The following STAB2 variants were observed in gnomAD, a reference collection of about 807,000 sequenced individuals.
The protein encoded by STAB2 is stabilin 2.
In STAB2, 288 loss-of-function variants were observed where a neutral mutation model predicts 338.1. The ratio of observed to expected loss-of-function variants is 0.85; its 90% CI spans 0.77 to 0.94. The LOEUF is 0.94. Ranked by LOEUF, STAB2 falls within the 40% of genes least tolerant of loss-of-function variation. The pLI is 0.00. For synonymous variants in STAB2, 1,202 were observed against 1,193.3 expected (o/e 1.01, Z -0.15); for missense variants, 3,141 against 3,210.1 (o/e 0.98, Z 0.52).
intron 41 of STAB2, among the ~76,000 whole-genome samples, chr12:103,713,203 C>T (rs567188003): frequency 1.7e-4 from 26 of 152,338 alleles, no homozygotes; most frequent in African/African-American, 6.0e-4. Context: ...AGACCCAGCA[C>T]ATAGAATTCA....
chr12:103,627,600 G>A (rs1387882763), intron 5 of STAB2, among the ~76,000 whole-genome samples: 1 of 152,238 alleles, frequency 6.6e-6, no homozygotes, highest in African/African-American at 2.4e-5. Flanking sequence ...CCTGGCAGCA[G>A]CTGGCAGCCT....
intron 34 of STAB2, among the ~76,000 whole-genome samples, chr12:103,701,433 A>G (rs1174877821): frequency 6.6e-6 from 1 of 152,170 alleles, no homozygotes; most frequent in Non-Finnish European, 1.5e-5. Flanking sequence ...CGCCACACTG[A>G]CTTCCACAAT....
chr12:103,675,026 G>A (rs1876203654), intron 23 of STAB2, among the ~76,000 whole-genome samples: 1 of 152,140 alleles, frequency 6.6e-6, no homozygotes, highest in African/African-American at 2.4e-5. Flanking sequence ...GAACTATATT[G>A]TCTTAGGTAA....
At chr12:103,713,579 G>C in intron 41 of STAB2, 64 bp from the exon 42 acceptor site, 1 of 1,597,020 alleles carries the variant, frequency 6.3e-7, no homozygotes, top group Non-Finnish European at 8.6e-7. Flanking sequence ...AATGACTTGA[G>C]GAAAAATACA....
rs189130947 is a variant in STAB2 at position 103,759,106 on chromosome 12, C to T, written c.7108-27C>T. On this transcript the variant is annotated intron_variant, in intron 64 of 68. Transcript: ENST00000388887. ...AAAATATTGCTTGGCCTTTGAAGAG[C>T]ATTCTGTGTTTCTCCTTTTTTCTCA... 32 of 1,614,104 alleles carry T rather than the reference C, an allele frequency of 2.0e-5. No homozygotes were observed. The Admixed American group carries it at 3.3e-4, about 17-fold the overall frequency.
intron 65 of STAB2, 28 bp downstream of exon 65, chr12:103,759,301 GA>G (rs778557990): frequency 6.3e-5 from 102 of 1,608,840 alleles, no homozygotes; most frequent in Middle Eastern, 1.7e-4. Context: ...CTTCTTGGGG[GA>G]ACGGGAGATA....
intron 23 of STAB2, among the ~76,000 whole-genome samples, 169 bp from the exon 24 acceptor site, chr12:103,675,758 TC>T (rs2138837626): frequency 6.6e-6 from 1 of 152,316 alleles, no homozygotes; most frequent in South Asian, 2.1e-4. Flanking sequence ...CCCAGGTGTA[TC>T]TGATTACAGA....
intron 5 of STAB2, among the ~76,000 whole-genome samples, chr12:103,629,883 A>C (rs1173906425): frequency 6.6e-6 from 1 of 152,204 alleles, no homozygotes; most frequent in Admixed American, 6.5e-5. Flanking sequence ...TCTGAACATA[A>C]TATGTATTCC....
chr12:103,690,507 G>A lies in STAB2; in HGVS notation c.3266G>A (p.Gly1089Asp). 2 of 1,614,030 alleles carry A rather than the reference G, an allele frequency of 1.2e-6. No individual in the cohort carries two copies. Among genetic ancestry groups the A allele is most frequent in the Non-Finnish European group, 1.7e-6 (2 of 1,179,938 alleles). Reference protein sequence around the residue: ...SSDMLATSLQGNFLHLAKVDG... With the variant: ...SSDMLATSLQDNFLHLAKVDG... Reference sequence around the variant, plus strand: ...GACATGTTGGCAACATCTTTGCAGGGCAACTTCCTTCACTTGGCAAAGGTG... The same window carrying A: ...GACATGTTGGCAACATCTTTGCAGGACAACTTCCTTCACTTGGCAAAGGTG... The change falls in exon 30 of 69, where the codon GGC (glycine) becomes GAC (aspartate). Residue 1089 changes from glycine (G) to aspartate (D), a missense_variant. Transcript: ENST00000388887.
intron 68 of STAB2, among the ~76,000 whole-genome samples, chr12:103,764,651 T>C (rs1025134416): frequency 4.6e-5 from 7 of 151,326 alleles, no homozygotes; most frequent in African/African-American, 1.5e-4. Context: ...GTAACAGATA[T>C]TATTTTTCCA....
At chr12:103,744,498 A>C (rs1212038541) in intron 56 of STAB2, among the ~76,000 whole-genome samples, 6 of 130,838 alleles carry the variant, frequency 4.6e-5, no homozygotes, top group Admixed American at 1.7e-4. Context: ...ACAGGGTCTC[A>C]CTCTGTTACC....
intron 3 of STAB2, among the ~76,000 whole-genome samples, chr12:103,611,700 T>C (rs1473440375): frequency 3.3e-5 from 5 of 152,216 alleles, no homozygotes; most frequent in African/African-American, 9.6e-5. Flanking sequence ...AAGGTTAATA[T>C]TGTTATGTGT....
chr12:103,727,224 A>C, intron 46 of STAB2, 43 bp from the exon 47 acceptor site: 10 of 1,606,940 alleles, frequency 6.2e-6, no homozygotes, highest in Non-Finnish European at 8.5e-6. Flanking sequence ...GCATGTATTG[A>C]TGTTAAGTGA....
chr12:103,713,781 C>T lies in STAB2; in HGVS notation c.4537+13C>T. The T allele has an allele frequency of 6.2e-7, 1 of 1,613,188 alleles. No individual in the cohort carries two copies. The highest frequency in any genetic ancestry group is 8.5e-7 in the Non-Finnish European group (1 of 1,179,450). On this transcript the variant is annotated intron_variant, in intron 42 of 68. Coordinates refer to ENST00000388887, the MANE Select transcript of STAB2 (RefSeq NM_017564.10). ...ATTGTGTGCCTGGGTAGGTGTCCTT[C>T]CCTCTTCCATCGGCGAAATGGTATA... is the stretch of plus-strand genomic sequence containing the variant.
chr12:103,684,902 C>T (rs1877255502), intron 26 of STAB2, 87 bp from the exon 27 acceptor site: 2 of 1,345,930 alleles, frequency 1.5e-6, no homozygotes, highest in African/African-American at 1.4e-5. Flanking sequence ...CAGTTATCAC[C>T]TTAGATGGAG....
At chr12:103,595,439 T>C (rs193188583) in intron 3 of STAB2, among the ~76,000 whole-genome samples, 1 of 152,196 alleles carries the variant, frequency 6.6e-6, no homozygotes, top group Non-Finnish European at 1.5e-5. Context: ...CAATTTGTAT[T>C]CTGTCGCATA....
intron 45 of STAB2, among the ~76,000 whole-genome samples, chr12:103,725,566 G>A (rs189351099): frequency 7.9e-4 from 121 of 152,244 alleles, no homozygotes; most frequent in Admixed American, 3.4e-3. Flanking sequence ...GTGCGTGCAC[G>A]TGTTAATGTG....
chr12:103,728,168 T>C (rs1256715762), intron 47 of STAB2, among the ~76,000 whole-genome samples: 1 of 152,258 alleles, frequency 6.6e-6, no homozygotes, highest in Admixed American at 6.5e-5. Flanking sequence ...TTGTTTGTTT[T>C]TGAGACAGGG....
At chr12:103,650,403 G>T in intron 10 of STAB2, 93 bp from the exon 11 acceptor site, 1 of 975,652 alleles carries the variant, frequency 1.0e-6, no homozygotes, top group Non-Finnish European at 1.6e-6. Context: ...TAAATGGACC[G>T]GTCGTGACCC....
Sources: gnomAD v4.1 joint callset for allele counts (sites outside exome capture counted in the v4.1 genomes callset) on GRCh38, gnomAD v4.1.1 for gene constraint, MANE v1.5 for transcripts, NCBI Gene and HGNC (gene_info 2026-07-23, HGNC 2026-07-21) for gene names.